SLIT3: variants seen among roughly 807,000 people sequenced by gnomAD.
The protein encoded by SLIT3 is slit homolog 3 protein.
Under a neutral mutation model 184.0 loss-of-function variants are expected in SLIT3, and 68 were observed. The ratio of observed to expected loss-of-function variants is 0.37; its 90% CI spans 0.30 to 0.45. The LOEUF (loss-of-function observed/expected upper bound fraction) is 0.45. Among genes scored for constraint, SLIT3 ranks in the 20% least tolerant of loss-of-function variants. The probability of loss-of-function intolerance (pLI) is 1.00; values close to 1 mark genes in which losing one functional copy is unlikely to be tolerated. For synonymous variants in SLIT3, 831 were observed against 828.6 expected (o/e 1.00, Z -0.05); for missense variants, 1,707 against 2,026.0 (o/e 0.84, Z 3.02).
intron 15 of SLIT3, among the ~76,000 whole-genome samples, chr5:168,761,418 T>C (rs1368434768): frequency 2.6e-5 from 4 of 152,058 alleles, no homozygotes; most frequent in Admixed American, 2.0e-4. Context: ...TTTCCTCTGA[T>C]GACTTGTGAA....
At chr5:169,112,870 T>C (rs1470723383) in intron 4 of SLIT3, among the ~76,000 whole-genome samples, 3 of 152,240 alleles carry the variant, frequency 2.0e-5, no homozygotes, top group South Asian at 2.1e-4. Flanking sequence ...CCTTCTCCCA[T>C]GGCTACTGCT....
intron 2 of SLIT3, among the ~76,000 whole-genome samples, chr5:169,250,323 C>G (rs1056363865): frequency 6.6e-6 from 1 of 152,186 alleles, no homozygotes; most frequent in Non-Finnish European, 1.5e-5. Context: ...ATTAACGCTT[C>G]ACAAGTAATC....
At chr5:169,262,288 G>A (rs899949518) in intron 1 of SLIT3, among the ~76,000 whole-genome samples, 12 of 152,242 alleles carry the variant, frequency 7.9e-5, no homozygotes, top group African/African-American at 2.7e-4. Flanking sequence ...AAACAGTACA[G>A]GGTGAGGTGA....
intron 4 of SLIT3, among the ~76,000 whole-genome samples, chr5:169,120,947 G>C (rs1170498729): frequency 6.6e-6 from 1 of 152,000 alleles, no homozygotes; most frequent in African/African-American, 2.4e-5. Flanking sequence ...CCCATTCCTT[G>C]GTAATTTATC....
At chr5:168,939,707 G>A (rs1762273129) in intron 4 of SLIT3, among the ~76,000 whole-genome samples, 1 of 152,134 alleles carries the variant, frequency 6.6e-6, no homozygotes, top group African/African-American at 2.4e-5. Context: ...TTCCACAGAT[G>A]CACATTATCT....
intron 6 of SLIT3, among the ~76,000 whole-genome samples, chr5:168,836,349 G>A (rs1295724784): frequency 1.3e-5 from 2 of 152,278 alleles, no homozygotes; most frequent in East Asian, 1.9e-4. Flanking sequence ...TCAAATACTG[G>A]TCACCAAAGC....
chr5:168,851,322 CAA>C (rs531233116), intron 5 of SLIT3, among the ~76,000 whole-genome samples: 3 of 77,166 alleles, frequency 3.9e-5, no homozygotes, highest in Non-Finnish European at 2.6e-5. Context: ...GACTCCGTCT[CAA>C]AAAAAAAAAA....
chr5:169,136,130 C>T (rs1761493388), intron 4 of SLIT3, among the ~76,000 whole-genome samples: 1 of 152,176 alleles, frequency 6.6e-6, no homozygotes, highest in South Asian at 2.1e-4. Context: ...CTAGACTGGA[C>T]ATCACAGTCA....
At chr5:169,111,085 T>C (rs1760393154) in intron 4 of SLIT3, among the ~76,000 whole-genome samples, 1 of 152,208 alleles carries the variant, frequency 6.6e-6, no homozygotes, top group Non-Finnish European at 1.5e-5. Flanking sequence ...TGCTGTAAAC[T>C]GCCCCATGCC....
chr5:169,068,881 G>GGAAA lies in SLIT3; in HGVS notation c.413+124594_413+124597dup, dbSNP rs1172849973. On this transcript the variant is annotated intron_variant, in intron 4 of 35. Transcript: ENST00000519560. ...AGAATCCTTTTATTATGATCCCATA[G>GGAAA]GAAAAGTTTACCTTCTAAAGTAGTG... Among the ~76,000 whole-genome samples, 13 of 152,096 alleles carry GGAAA rather than the reference G, an allele frequency of 8.5e-5. No individual in the cohort carries two copies. The East Asian group carries it at 2.5e-3, about 29-fold the overall frequency.
In SLIT3 at chr5:168,707,772, G is replaced by A. The variant is rs1351468068; in HGVS notation, c.2844+204C>T. The A allele has an allele frequency of 7.1e-6, 4 of 562,076 alleles. No individual in the cohort carries two copies. In the East Asian group the frequency reaches 1.2e-4, roughly 16 times the overall value. The allele number at this position is 562,076 out of a possible 1,614,324, so 34.8% of individuals were successfully genotyped here. On this transcript the variant is annotated intron_variant, in intron 26 of 35. Coordinates refer to ENST00000519560, the MANE Select transcript of SLIT3 (RefSeq NM_003062.4). ...GACATCCTTGTCAAGACCATATGGG[G>A]GCCTCTCTGACTGGCAGCTCCCGCT...
At chr5:168,806,349 C>G in intron 9 of SLIT3, 97 bp downstream of exon 9, 2 of 1,338,620 alleles carry the variant, frequency 1.5e-6, no homozygotes, top group Admixed American at 3.5e-5. Context: ...TCAGCTCCAG[C>G]AGCCCCACAC....
At chr5:168,932,724 C>T (rs1762031587) in intron 4 of SLIT3, among the ~76,000 whole-genome samples, 1 of 152,152 alleles carries the variant, frequency 6.6e-6, no homozygotes, top group South Asian at 2.1e-4. Context: ...TAGTTTGTTT[C>T]CACATCTGTA....
chr5:168,769,928 C>A (rs1329804929), intron 14 of SLIT3, among the ~76,000 whole-genome samples: 3 of 152,186 alleles, frequency 2.0e-5, no homozygotes, highest in Non-Finnish European at 4.4e-5. Context: ...AACTGGATGA[C>A]CTCTAAGGTT....
chr5:168,841,135 C>A (rs894982378), intron 6 of SLIT3, among the ~76,000 whole-genome samples: 2 of 152,336 alleles, frequency 1.3e-5, no homozygotes, highest in Non-Finnish European at 1.5e-5. Context: ...TTCAGGGCAG[C>A]CAAACACCAT....
chr5:168,681,443 T>G (rs1247600614), intron 32 of SLIT3, among the ~76,000 whole-genome samples: 2 of 152,172 alleles, frequency 1.3e-5, no homozygotes, highest in East Asian at 1.9e-4. Context: ...TAATCTGGAA[T>G]TGCTAGAGCC....
At chr5:168,923,500 C>A (rs1053457319) in intron 4 of SLIT3, among the ~76,000 whole-genome samples, 1 of 151,014 alleles carries the variant, frequency 6.6e-6, no homozygotes, top group Admixed American at 6.6e-5. Flanking sequence ...GATTAGGTAA[C>A]CCCCTTCCTA....
At chr5:169,299,619 C>T (rs1028877243) in intron 1 of SLIT3, among the ~76,000 whole-genome samples, 3 of 151,872 alleles carry the variant, frequency 2.0e-5, no homozygotes, top group South Asian at 2.1e-4. Context: ...AGGAGCCCAC[C>T]CCGGAGTCCA....
At chr5:168,813,533 T>TG (rs1357240853) in intron 8 of SLIT3, among the ~76,000 whole-genome samples, 1 of 152,118 alleles carries the variant, frequency 6.6e-6, no homozygotes, top group East Asian at 1.9e-4. Context: ...TTGTATAACA[T>TG]AGGGAAAAAA....
Sources: allele counts gnomAD v4.1 joint callset (sites outside exome capture counted in the v4.1 genomes callset), GRCh38; gene constraint gnomAD v4.1.1; transcripts MANE v1.5; gene names NCBI Gene and HGNC (gene_info 2026-07-23, HGNC 2026-07-21).